The following ATP2B2 variants were observed in gnomAD, a reference collection of about 807,000 sequenced individuals.
ATP2B2 encodes the protein ATPase plasma membrane Ca2+ transporting 2.
A neutral mutation model predicts 120.0 loss-of-function variants in ATP2B2; 15 were observed. The observed-to-expected ratio is 0.12, with a 90% CI of 0.08 to 0.19. The LOEUF (loss-of-function observed/expected upper bound fraction) is 0.19, where lower values mean the gene tolerates loss of function less well. Ranked by LOEUF, ATP2B2 falls within the 10% of genes least tolerant of loss-of-function variation. The pLI is 1.00. For missense variants in ATP2B2, 1,045 were observed against 1,719.8 expected (o/e 0.61, Z 6.94); for synonymous variants, 694 against 700.3 (o/e 0.99, Z 0.14).
At chr3:10,569,503 T>C (rs1182320013) in intron 2 of ATP2B2, among the ~76,000 whole-genome samples, 3 of 152,200 alleles carry the variant, frequency 2.0e-5, no homozygotes, top group African/African-American at 7.2e-5. Context: ...ACCAGTATTT[T>C]TTTTCTTATT....
At chr3:10,589,402 A>G (rs1022784994) in intron 2 of ATP2B2, among the ~76,000 whole-genome samples, 3 of 152,228 alleles carry the variant, frequency 2.0e-5, no homozygotes, top group Admixed American at 1.3e-4. Flanking sequence ...ACAGACCACC[A>G]GAGGAGACAG....
intron 1 of ATP2B2, among the ~76,000 whole-genome samples, chr3:10,473,539 C>T (rs753761491): frequency 2.6e-5 from 4 of 152,106 alleles, no homozygotes; most frequent in African/African-American, 4.8e-5. Flanking sequence ...GGCTGAGGCA[C>T]GAGAATCACT....
At position 10,329,217 on chromosome 3, in the gene ATP2B2, G is replaced by T; in HGVS notation, c.3421-92C>A. 1 of 1,237,100 alleles carries T rather than the reference G, an allele frequency of 8.1e-7. No individual in the cohort carries two copies. Among genetic ancestry groups the T allele is most frequent in the Non-Finnish European group, 1.2e-6 (1 of 853,200 alleles). 76.6% of individuals were successfully genotyped at this position (1,237,100 alleles called of 1,614,324 possible). A position where few individuals can be genotyped will look rare whatever the true frequency, so the allele number is the denominator to read the frequency against. On this transcript the variant is annotated intron_variant, in intron 22 of 22. Coordinates refer to ENST00000360273, the MANE Select transcript of ATP2B2 (RefSeq NM_001001331.4). This position sits in a 1 kb window ranked among gnomAD's most constrained non-coding sequence, Gnocchi z 5.9. ...GGAGGGGCGGGTGGGAGAAGGGTTAGGGCAAAGCAGGTGGCTGGAATCCAT... is the reference window on the plus strand; with the variant it reads ...GGAGGGGCGGGTGGGAGAAGGGTTATGGCAAAGCAGGTGGCTGGAATCCAT...
rs897035401 is a variant in ATP2B2, at chr3:10,554,526, T to C, written c.-414-20393A>G. Among the ~76,000 whole-genome samples, 8 of 152,160 alleles carry C rather than the reference T, an allele frequency of 5.3e-5. No homozygotes were observed. The East Asian group carries it at 1.4e-3, about 26-fold the overall frequency. The stretch of plus-strand genomic sequence containing the variant: ...ATTCAGTGTCTGTGAATCAAGGAAA[T>C]AGGCAGCCTCTAGAAGATGGAAAAG... On this transcript the variant is annotated intron_variant, in intron 2 of 21. Transcript: ENST00000646379.
intron 2 of ATP2B2, among the ~76,000 whole-genome samples, chr3:10,589,178 G>T (rs555701229): frequency 1.0e-3 from 153 of 152,232 alleles, no homozygotes; most frequent in Middle Eastern, 3.4e-3. Flanking sequence ...TGGTCCTCCT[G>T]AACTCCAGCC....
At chr3:10,431,803 T>C (rs1481107389) in intron 2 of ATP2B2, among the ~76,000 whole-genome samples, 1 of 151,966 alleles carries the variant, frequency 6.6e-6, no homozygotes, top group African/African-American at 2.4e-5. Context: ...TTCAGAGGCC[T>C]TAGCTCTCTT....
chr3:10,438,042 G>A (rs945691878), intron 2 of ATP2B2, among the ~76,000 whole-genome samples: 5 of 152,146 alleles, frequency 3.3e-5, no homozygotes, highest in Non-Finnish European at 7.4e-5. Context: ...GCTCTGCAGG[G>A]AGCCAGGAGG....
intron 11 of ATP2B2, among the ~76,000 whole-genome samples, 154 bp from the exon 12 acceptor site, chr3:10,372,205 C>T (rs1322996362): frequency 1.3e-5 from 2 of 152,202 alleles, no homozygotes; most frequent in Non-Finnish European, 2.9e-5. Flanking sequence ...TTGGTTGCTG[C>T]TGCCTCCTAT....
At chr3:10,501,318 A>G (rs993803584) in intron 1 of ATP2B2, among the ~76,000 whole-genome samples, 7 of 151,098 alleles carry the variant, frequency 4.6e-5, no homozygotes, top group African/African-American at 1.7e-4. Context: ...CCGAAGCCAC[A>G]CTGCCCAGCA....
At chr3:10,689,342 T>TGCC (rs2071600827) in intron 1 of ATP2B2, among the ~76,000 whole-genome samples, 1 of 152,134 alleles carries the variant, frequency 6.6e-6, no homozygotes, top group Non-Finnish European at 1.5e-5. Flanking sequence ...CACCTTAGTT[T>TGCC]TCTCAACTGT....
At chr3:10,576,228 G>A (rs1462685258) in intron 2 of ATP2B2, among the ~76,000 whole-genome samples, 1 of 152,184 alleles carries the variant, frequency 6.6e-6, no homozygotes. Context: ...GCAGGGCCGA[G>A]GATGTCCTGC....
intron 22 of ATP2B2, chr3:10,332,239 C>T (rs1337265117): frequency 1.8e-6 from 1 of 562,450 alleles, no homozygotes; most frequent in South Asian, 2.4e-5. Context: ...GTCGTCAGAA[C>T]CAGGAATCTG....
At chr3:10,335,455 G>T (rs1420499106) in intron 22 of ATP2B2, among the ~76,000 whole-genome samples, 1 of 33,114 alleles carries the variant, frequency 3.0e-5, no homozygotes, top group Non-Finnish European at 5.5e-5. Flanking sequence ...TAGGCTGTGA[G>T]CTCCTAGGTG....
chr3:10,553,700 C>T (rs1009417974), intron 2 of ATP2B2, among the ~76,000 whole-genome samples: 3 of 152,174 alleles, frequency 2.0e-5, no homozygotes, highest in Non-Finnish European at 4.4e-5. Flanking sequence ...AGAGCCAGAG[C>T]AGCAGCTCGG....
intron 12 of ATP2B2, among the ~76,000 whole-genome samples, chr3:10,371,061 C>T (rs542446405): frequency 2.6e-5 from 4 of 152,350 alleles, no homozygotes; most frequent in South Asian, 2.1e-4. Flanking sequence ...CAATTATTCT[C>T]CTTTCTGAAT....
intron 8 of ATP2B2, among the ~76,000 whole-genome samples, chr3:10,379,598 TAG>T (rs2125540396): frequency 6.6e-6 from 1 of 152,238 alleles, no homozygotes; most frequent in South Asian, 2.1e-4. Flanking sequence ...TGCAGGGGAT[TAG>T]AGTCTGCTGG....
At chr3:10,350,362 C>G (rs369301322) in intron 15 of ATP2B2, 36 bp downstream of exon 15, 1 of 1,613,854 alleles carries the variant, frequency 6.2e-7, no homozygotes, top group African/African-American at 1.3e-5. Flanking sequence ...CATCTGAGCG[C>G]GTTCCCCTGA....
chr3:10,480,165 G>T (rs666857), intron 1 of ATP2B2, among the ~76,000 whole-genome samples: 70,516 of 151,538 alleles, frequency 0.47, 17,691 homozygotes, highest in Non-Finnish European at 0.56. Context: ...AGGGGGAAGG[G>T]TGTATTCACT....
At chr3:10,339,988 G>A (rs2060228510) in intron 21 of ATP2B2, among the ~76,000 whole-genome samples, 1 of 152,222 alleles carries the variant, frequency 6.6e-6, no homozygotes, top group Non-Finnish European at 1.5e-5. Flanking sequence ...AGTTAAAAAA[G>A]CTGACGTGAT....
Sources: allele counts gnomAD v4.1 joint callset (sites outside exome capture counted in the v4.1 genomes callset), GRCh38; gene constraint gnomAD v4.1.1; non-coding constraint Gnocchi (gnomAD v3.1); transcripts MANE v1.5; gene names NCBI Gene and HGNC (gene_info 2026-07-23, HGNC 2026-07-21).